The following SIPA1L1 variants were observed in gnomAD, a reference collection of about 807,000 sequenced individuals.
The protein encoded by SIPA1L1 is signal induced proliferation associated 1 like 1, also known as signal-induced proliferation-associated 1-like protein 1.
SIPA1L1 carries 26 observed loss-of-function variants against 162.7 expected under a neutral mutation model. The ratio of observed to expected loss-of-function variants is 0.16; its 90% CI spans 0.12 to 0.22. The LOEUF (loss-of-function observed/expected upper bound fraction) is 0.22, where lower values mean the gene tolerates loss of function less well. SIPA1L1 is among the 10% of genes least tolerant of loss of function. SIPA1L1 has a pLI of 1.00. For synonymous variants in SIPA1L1, 829 were observed against 837.4 expected, an observed-to-expected ratio of 0.99 and a Z score of 0.17; for missense variants, 1,874 against 2,241.0, an observed-to-expected ratio of 0.84 and a Z score of 3.31.
At chr14:71,438,678 T>C (rs1418836039) in intron 2 of SIPA1L1, among the ~76,000 whole-genome samples, 2 of 152,026 alleles carry the variant, frequency 1.3e-5, no homozygotes, top group African/African-American at 4.8e-5. Flanking sequence ...TAGAAAAAAA[T>C]CCTCTTGCCT....
chr14:71,472,017 G>A (rs767639421), intron 2 of SIPA1L1, among the ~76,000 whole-genome samples: 3 of 152,016 alleles, frequency 2.0e-5, no homozygotes, highest in South Asian at 2.1e-4. Flanking sequence ...CTTCATACAC[G>A]TAAGGGTTAA....
chr14:71,331,991 A>G (rs1302447194), intron 2 of SIPA1L1, among the ~76,000 whole-genome samples: 2 of 152,232 alleles, frequency 1.3e-5, no homozygotes, highest in African/African-American at 4.8e-5. Context: ...ATATTTTCTC[A>G]TCATCTTAAT....
intron 16 of SIPA1L1, among the ~76,000 whole-genome samples, chr14:71,707,862 C>T (rs1244144319): frequency 6.6e-6 from 1 of 152,072 alleles, no homozygotes; most frequent in Non-Finnish European, 1.5e-5. Flanking sequence ...GTTACCACCC[C>T]ATTTTATATA....
intron 2 of SIPA1L1, among the ~76,000 whole-genome samples, chr14:71,494,408 TATTAA>T (rs2049547361): frequency 6.6e-6 from 1 of 152,136 alleles, no homozygotes; most frequent in Non-Finnish European, 1.5e-5. Flanking sequence ...TAATATGTTG[TATTAA>T]ATTAATTGAC....
At chr14:71,730,324 C>T in intron 20 of SIPA1L1, 23 bp downstream of exon 20, 1 of 1,610,956 alleles carries the variant, frequency 6.2e-7, no homozygotes, top group South Asian at 1.1e-5. Flanking sequence ...TCAGCTGCAG[C>T]CTGGATGGCC....
intron 2 of SIPA1L1, among the ~76,000 whole-genome samples, chr14:71,472,946 A>G (rs565465270): frequency 5.2e-4 from 79 of 151,850 alleles, no homozygotes; most frequent in Non-Finnish European, 7.4e-4. Flanking sequence ...CCTGGGCTCA[A>G]ATGATCGTCC....
chr14:71,520,178 A>G (rs1452079291), intron 3 of SIPA1L1, among the ~76,000 whole-genome samples: 1 of 152,184 alleles, frequency 6.6e-6, no homozygotes, highest in Non-Finnish European at 1.5e-5. Context: ...CCAGATATTT[A>G]TATAGTTTCA....
chr14:71,612,853 C>A (rs1596413524), intron 5 of SIPA1L1, among the ~76,000 whole-genome samples: 2 of 152,144 alleles, frequency 1.3e-5, no homozygotes, highest in African/African-American at 4.8e-5. Flanking sequence ...TTATTATAAT[C>A]ATTATTGTGA....
At chr14:71,417,770 C>A (rs1241797673) in intron 2 of SIPA1L1, among the ~76,000 whole-genome samples, 1 of 151,970 alleles carries the variant, frequency 6.6e-6, no homozygotes, top group Non-Finnish European at 1.5e-5. Flanking sequence ...GTCAACAGTG[C>A]TAGACAGTTT....
chr14:71,578,787 T>C (rs2033490671), intron 4 of SIPA1L1, among the ~76,000 whole-genome samples: 1 of 152,226 alleles, frequency 6.6e-6, no homozygotes, highest in Non-Finnish European at 1.5e-5. Context: ...TCCAACTCTT[T>C]CTTATAAAAT....
intron 2 of SIPA1L1, among the ~76,000 whole-genome samples, chr14:71,451,409 G>A (rs2141548867): frequency 6.6e-6 from 1 of 152,122 alleles, no homozygotes; most frequent in East Asian, 1.9e-4. Flanking sequence ...TGAGGCAGGA[G>A]GACTACTTGA....
At chr14:71,459,769 CT>C (rs552072928) in intron 2 of SIPA1L1, among the ~76,000 whole-genome samples, 4 of 152,234 alleles carry the variant, frequency 2.6e-5, no homozygotes, top group African/African-American at 4.8e-5. Context: ...AAATGTTAAT[CT>C]TTTTTGGCAG....
chr14:71,496,746 T>G (rs894875887), intron 2 of SIPA1L1, among the ~76,000 whole-genome samples: 1 of 152,212 alleles, frequency 6.6e-6, no homozygotes, highest in African/African-American at 2.4e-5. Context: ...TTCATTTGTT[T>G]TGGTGCTCTG....
chr14:71,536,663 G>A (rs183425873), intron 4 of SIPA1L1, among the ~76,000 whole-genome samples: 21 of 152,304 alleles, frequency 1.4e-4, no homozygotes, highest in African/African-American at 4.8e-4. Context: ...GCACTGTCTT[G>A]GAAGATCTTT....
rs141551594 is a variant in SIPA1L1, at chr14:71,420,975, G to A, written c.-464-91768G>A. 6.9e-4 allele frequency among the ~76,000 whole-genome samples: 105 copies of A among 152,232 alleles called. 1 individual carries two copies. In the East Asian group the frequency reaches 0.016, roughly 24 times the overall value. ...CAAGCAGCCTTCACACATCGCACGT[G>A]TCTCTTTTAAGTCTTTCTTAATCTG... On this transcript the variant is annotated intron_variant, in intron 2 of 23. Transcript: ENST00000381232.
intron 2 of SIPA1L1, among the ~76,000 whole-genome samples, chr14:71,510,469 C>T (rs755045868): frequency 2.0e-5 from 3 of 151,970 alleles, no homozygotes; most frequent in African/African-American, 7.2e-5. Context: ...ATTACAGGTG[C>T]GAGCCACCAC....
intron 13 of SIPA1L1, among the ~76,000 whole-genome samples, chr14:71,693,437 C>T (rs1167744293): frequency 3.3e-5 from 5 of 151,222 alleles, no homozygotes; most frequent in South Asian, 2.1e-4. Flanking sequence ...AGGAGGAGAT[C>T]GCAGTGAGCC....
intron 2 of SIPA1L1, among the ~76,000 whole-genome samples, chr14:71,366,589 ATGCCTGGCTAATTT>A (rs1268240973): frequency 6.6e-6 from 1 of 152,030 alleles, no homozygotes; most frequent in East Asian, 1.9e-4. Flanking sequence ...GCCCGCCACC[ATGCCTGGCTAATTT>A]TGTTTTTGTA....
chr14:71,672,475 C>T lies in SIPA1L1; in HGVS notation c.2957C>T (p.Ala986Val), dbSNP rs2044629245. The T allele has an allele frequency of 6.2e-7, 1 of 1,614,098 alleles. No individual in the cohort carries two copies. Among genetic ancestry groups the T allele is most frequent in the South Asian group, 1.1e-5 (1 of 91,088 alleles). ...DVEPYGYAWQ[A>V]GLRQGSRLVE... ...GAGCCCTACGGTTATGCCTGGCAGG[C>T]AGGGCTGAGGCAGGGCAGTCGCCTG... Residue 986 changes from alanine (A) to valine (V), a missense_variant, in exon 12 of 24, where the codon GCA becomes GTA. Physicochemically the swap from Ala to Val is moderately conservative, Grantham distance 64. This residue lies in a region of SIPA1L1 where 936 missense variants were observed against 1,051.9 expected (regional missense o/e 0.89). Transcript: ENST00000381232.
Sources: allele counts gnomAD v4.1 joint callset (sites outside exome capture counted in the v4.1 genomes callset), GRCh38; gene constraint gnomAD v4.1.1; regional missense constraint gnomAD v4.1.1; transcripts MANE v1.5; gene names NCBI Gene and HGNC (gene_info 2026-07-23, HGNC 2026-07-21).